The following ZDHHC6 variants were observed in gnomAD, a reference collection of about 807,000 sequenced individuals.
ZDHHC6 encodes the protein palmitoyltransferase ZDHHC6.
ZDHHC6 carries 32 observed loss-of-function variants against 57.8 expected under a neutral mutation model. The ratio of observed to expected loss-of-function variants is 0.55; its 90% confidence interval spans 0.42 to 0.74. ZDHHC6 has a LOEUF of 0.74. Ranked by LOEUF, ZDHHC6 falls within the 30% of genes least tolerant of loss-of-function variation. The probability of loss-of-function intolerance (pLI) is 0.00; values close to 1 mark genes in which losing one functional copy is unlikely to be tolerated. For synonymous variants in ZDHHC6, 128 were observed against 158.0 expected (o/e 0.81, Z 1.42); for missense variants, 433 against 500.7 (o/e 0.86, Z 1.29).
chr10:112,426,813 A>G, downstream of ZDHHC6: 1 of 1,614,010 alleles, frequency 6.2e-7, no homozygotes, highest in East Asian at 2.2e-5. Flanking sequence ...ATTTTAGAAG[A>G]CTTGCAGAAA....
chr10:112,443,448 T>G (rs374704831), intron 3 of ZDHHC6, 67 bp downstream of exon 3: 3 of 1,363,898 alleles, frequency 2.2e-6, no homozygotes. Context: ...TAATGTAGTA[T>G]AAGCAACAAT....
upstream of ZDHHC6, chr10:112,447,216 A>T (rs1846862613): frequency 1.5e-6 from 1 of 664,950 alleles, no homozygotes; most frequent in Non-Finnish European, 2.4e-6. Flanking sequence ...GATTGCGACG[A>T]ACAACCAGGA....
chr10:112,445,265 A>C lies in ZDHHC6; in HGVS notation c.172T>G (p.Phe58Val). ...ACAGTCCAATTTATCAACATGATGA[A>C]ATTCACACTTCCTCCAGTTGTATGT... ...PLHTTGGSVN[F>V]IMLINWTVMI... The change falls in exon 2 of 11, where the codon TTC becomes GTC. Residue 58 changes from phenylalanine (F) to valine (V), a missense_variant. By Grantham distance (50) the Phe-to-Val change is conservative. Transcript: ENST00000369405. The C allele has an allele frequency of 6.2e-7, 1 of 1,614,202 alleles. No homozygotes were observed. The highest frequency in any genetic ancestry group is 8.5e-7 in the Non-Finnish European group (1 of 1,180,026).
downstream of ZDHHC6, chr10:112,428,223 A>C (rs950077414): frequency 1.6e-5 from 6 of 377,318 alleles, no homozygotes; most frequent in Non-Finnish European, 2.8e-5. Context: ...TCTACAGGCA[A>C]GCAAGATGCC....
intron 7 of ZDHHC6, 120 bp downstream of exon 7, chr10:112,434,177 T>C (rs775355905): frequency 2.2e-4 from 215 of 981,426 alleles, no homozygotes; most frequent in Non-Finnish European, 3.0e-4. Context: ...TAGATTCATT[T>C]TGACATAGTG....
At chr10:112,425,239 C>A in exon 12 of ZDHHC6, 1 of 1,115,868 alleles carries the variant, frequency 9.0e-7, no homozygotes, top group South Asian at 1.8e-5. Context: ...CTGGAGAAAT[C>A]AGCTTTAGAG....
intron 7 of ZDHHC6, 60 bp from the exon 8 acceptor site, chr10:112,433,341 C>T: frequency 7.2e-7 from 1 of 1,382,980 alleles, no homozygotes; most frequent in Admixed American, 2.6e-5. Flanking sequence ...TGAAAAATCG[C>T]CTTTCCTCAT....
chr10:112,439,319 G>A lies in ZDHHC6; in HGVS notation c.682-930C>T, dbSNP rs190111936. Among the ~76,000 whole-genome samples, 34 of 152,204 alleles carry A rather than the reference G, an allele frequency of 2.2e-4. 1 individual carries two copies. The East Asian group carries it at 6.2e-3, about 28-fold the overall frequency. On this transcript the variant is annotated intron_variant, in intron 5 of 10. Transcript: ENST00000369405. Reference sequence around the variant, plus strand: ...TTCAATGAATGAATGAATGAATTACGTGAATGCAATAAGTCATAAGAATGG... The same window carrying A: ...TTCAATGAATGAATGAATGAATTACATGAATGCAATAAGTCATAAGAATGG...
rs767295732 is a variant in ZDHHC6, at chr10:112,445,614, A to C, written c.-178T>G. 5 of 714,812 alleles carry C rather than the reference A, an allele frequency of 7.0e-6. No individual in the cohort carries two copies. The highest frequency in any genetic ancestry group is 1.1e-5 in the Non-Finnish European group (5 of 450,620). The allele number at this position is 714,812 out of a possible 1,614,324, so 44.3% of individuals were successfully genotyped here. On this transcript the variant is annotated 5_prime_UTR_variant, in exon 2 of 11. Transcript: ENST00000369405. ...TCAGGCACCCAAAGCTCTTTATCTT[A>C]ACTAGGAGAATCCAGTGTCTTGGTC...
At chr10:112,435,174 A>T (rs571572066) in intron 6 of ZDHHC6, among the ~76,000 whole-genome samples, 1 of 152,294 alleles carries the variant, frequency 6.6e-6, no homozygotes, top group East Asian at 1.9e-4. Flanking sequence ...GTTAGCTTTA[A>T]CTTGAGGAAA....
At chr10:112,424,602 G>A (rs1232644908) in exon 12 of ZDHHC6, 1 of 152,200 alleles carries the variant, frequency 6.6e-6, no homozygotes, top group Non-Finnish European at 1.5e-5. Flanking sequence ...GATAATGAAC[G>A]TTAGGCTGAA....
At chr10:112,445,086 T>A (rs1480242615) in intron 2 of ZDHHC6, 84 bp downstream of exon 2, 1 of 1,455,948 alleles carries the variant, frequency 6.9e-7, no homozygotes. Context: ...GTAGGCTGTG[T>A]TTGGTATTAT....
At chr10:112,439,420 C>A (rs1161534092) in intron 5 of ZDHHC6, among the ~76,000 whole-genome samples, 1 of 151,612 alleles carries the variant, frequency 6.6e-6, no homozygotes, top group Non-Finnish European at 1.5e-5. Flanking sequence ...ATCACAAGGT[C>A]AGGAGTTCAA....
intron 5 of ZDHHC6, among the ~76,000 whole-genome samples, chr10:112,439,669 AGAATG>A (rs374821471): frequency 6.4e-4 from 69 of 108,392 alleles, no homozygotes; most frequent in Middle Eastern, 5.2e-3. Context: ...AAAAAAAAAA[AGAATG>A]AAAAAGAATG....
At chr10:112,442,866 T>C (rs1846257528) in intron 3 of ZDHHC6, among the ~76,000 whole-genome samples, 3 of 151,988 alleles carry the variant, frequency 2.0e-5, no homozygotes, top group Admixed American at 2.0e-4. Context: ...GAATATAAGA[T>C]ATGGTATAAT....
In ZDHHC6 at chr10:112,440,399, A is replaced by G. The variant is rs773457807; in HGVS notation, c.681+135T>C. On this transcript the variant is annotated intron_variant, in intron 5 of 10. Coordinates refer to ENST00000369405, the MANE Select transcript of ZDHHC6 (RefSeq NM_022494.3). ...AAATTATCTGACGAATACAAAGGAG[A>G]TTAGTTACCTAAATGAAATAAGCAA... is the stretch of plus-strand genomic sequence containing the variant. The G allele has an allele frequency of 1.1e-4, 110 of 957,918 alleles. 2 individuals are homozygous for G. The highest frequency in any genetic ancestry group is 8.7e-5 in the Admixed American group (3 of 34,454). The allele number at this position is 957,918 out of a possible 1,614,324, so 59.3% of individuals were successfully genotyped here.
chr10:112,443,703 G>C, intron 2 of ZDHHC6, 97 bp from the exon 3 acceptor site: 1 of 882,744 alleles, frequency 1.1e-6, no homozygotes, highest in Admixed American at 2.5e-5. Context: ...ATAGGGGAAG[G>C]AGAGAATCTT....
chr10:112,435,112 G>C (rs1845400811), intron 6 of ZDHHC6, among the ~76,000 whole-genome samples: 1 of 152,108 alleles, frequency 6.6e-6, no homozygotes, highest in Non-Finnish European at 1.5e-5. Flanking sequence ...ATATGTACAT[G>C]TTATGCATGT....
chr10:112,445,129 G>A (rs1281869544), intron 2 of ZDHHC6, 41 bp downstream of exon 2: 11 of 1,581,068 alleles, frequency 7.0e-6, no homozygotes, highest in African/African-American at 2.7e-5. Flanking sequence ...CCAAATATAC[G>A]ATTATCATTA....
Sources: gnomAD v4.1 joint callset for allele counts (sites outside exome capture counted in the v4.1 genomes callset) on GRCh38, gnomAD v4.1.1 for gene constraint, MANE v1.5 for transcripts, NCBI Gene and HGNC (gene_info 2026-07-23, HGNC 2026-07-21) for gene names.